The following TNS1 variants were observed in gnomAD, a reference collection of about 807,000 sequenced individuals.
TNS1 encodes tensin-1.
A neutral mutation model predicts 168.6 loss-of-function variants in TNS1; 62 were observed. That is an observed-to-expected ratio of 0.37 (90% CI 0.30 to 0.45). The LOEUF (loss-of-function observed/expected upper bound fraction) is 0.45, where lower values mean the gene tolerates loss of function less well. Among genes scored for constraint, TNS1 ranks in the 20% least tolerant of loss-of-function variants. TNS1 has a pLI of 1.00. For synonymous variants in TNS1, 934 were observed against 933.2 expected (o/e 1.00, Z -0.02); for missense variants, 2,240 against 2,339.4 (o/e 0.96, Z 0.88).
At chr2:217,925,074 T>G (rs138809176) in intron 3 of TNS1, among the ~76,000 whole-genome samples, 1,534 of 152,366 alleles carry the variant, frequency 0.01, 26 homozygotes, top group African/African-American at 0.035. Flanking sequence ...AGTGTGACTA[T>G]CATTAAACTC....
chr2:217,913,727 T>C (rs980859358), intron 4 of TNS1, among the ~76,000 whole-genome samples: 2 of 151,886 alleles, frequency 1.3e-5, no homozygotes, highest in African/African-American at 4.8e-5. Flanking sequence ...GTTTGTGGAC[T>C]CCTCCAATAT....
intron 30 of TNS1, 68 bp downstream of exon 30, chr2:217,809,755 G>A (rs1940473832): frequency 6.7e-7 from 1 of 1,493,128 alleles, no homozygotes; most frequent in Admixed American, 1.8e-5. Context: ...TAAATGTGTG[G>A]GTACACGGAT....
At chr2:217,970,503 C>A (rs1194785183) in intron 3 of TNS1, among the ~76,000 whole-genome samples, 1 of 152,118 alleles carries the variant, frequency 6.6e-6, no homozygotes, top group East Asian at 1.9e-4. Flanking sequence ...ACCCAAATGT[C>A]CACCAACTGA....
intron 1 of TNS1, among the ~76,000 whole-genome samples, chr2:218,029,302 A>G (rs1026416257): frequency 3.8e-5 from 5 of 130,730 alleles, no homozygotes; most frequent in Non-Finnish European, 5.6e-5. Flanking sequence ...TCCCCAAGGC[A>G]TCCCTCACCC....
At chr2:217,973,747 G>A (rs902620468) in intron 3 of TNS1, among the ~76,000 whole-genome samples, 4 of 152,302 alleles carry the variant, frequency 2.6e-5, no homozygotes, top group Admixed American at 6.5e-5. Flanking sequence ...TGGGGCCACC[G>A]TGAGCCCTGC....
At chr2:217,978,894 C>T (rs1387671530) in intron 2 of TNS1, 92 bp from the exon 3 acceptor site, 3 of 695,176 alleles carry the variant, frequency 4.3e-6, no homozygotes, top group Non-Finnish European at 7.9e-6. Context: ...GCCCGCAATC[C>T]GCGCTCGGGA....
intron 18 of TNS1, among the ~76,000 whole-genome samples, chr2:217,857,524 G>A (rs925205138): frequency 3.9e-5 from 6 of 152,226 alleles, no homozygotes; most frequent in Admixed American, 1.3e-4. Context: ...GTCAAGCGAT[G>A]ATGATAAATG....
chr2:217,874,023 A>AAC (rs3838561), intron 18 of TNS1, among the ~76,000 whole-genome samples: 20,417 of 111,336 alleles, frequency 0.18, 1,923 homozygotes, highest in East Asian at 0.33. Flanking sequence ...CCCCCCAACC[A>AAC]ACACACACAC....
intron 21 of TNS1, among the ~76,000 whole-genome samples, chr2:217,833,160 C>A (rs186546551): frequency 2.4e-4 from 36 of 152,374 alleles, no homozygotes. Context: ...CAGGTACGCG[C>A]ATGTTTAACC....
chr2:217,929,179 G>A (rs550120007), intron 3 of TNS1, among the ~76,000 whole-genome samples: 7 of 152,324 alleles, frequency 4.6e-5, no homozygotes, highest in African/African-American at 9.6e-5. Flanking sequence ...AAGAAGGCAC[G>A]ACACCATGGC....
rs767860513 is a variant in TNS1 at position 217,836,112 on chromosome 2, G to T, written c.3107C>A (p.Thr1036Lys). 6.2e-7 allele frequency: 1 copy of T among 1,614,136 alleles called. No individual in the cohort carries two copies. The highest frequency in any genetic ancestry group is 1.1e-5 in the South Asian group (1 of 91,080). Reference sequence around the variant, plus strand: ...GCGAACCCCAGGGCTACGAGGGGATGTGGCTTCTGGAGACTGGTTCTCATA... The same window carrying T: ...GCGAACCCCAGGGCTACGAGGGGATTTGGCTTCTGGAGACTGGTTCTCATA... ...GQYENQSPEA[T>K]SPRSPGVRSP... The change falls in exon 20 of 33, where the codon ACA becomes AAA. Residue 1036 changes from threonine (T) to lysine (K), a missense_variant. Around this residue, in one of 2 missense-constraint regions of TNS1, gnomAD observed 2,131 missense variants for 2,171.2 expected, o/e 0.98. Coordinates refer to ENST00000682258, the MANE Select transcript of TNS1 (RefSeq NM_001387777.1).
chr2:217,860,058 T>C (rs1358762744), intron 18 of TNS1, among the ~76,000 whole-genome samples: 1 of 152,160 alleles, frequency 6.6e-6, no homozygotes, highest in Admixed American at 6.5e-5. Flanking sequence ...AACCCCAAAA[T>C]GCTTCCACAG....
In TNS1 at chr2:217,805,512, C is replaced by CACCACACACA. The variant is rs1559132024; in HGVS notation, c.5376-910_5376-909insTGTGTGTGGT. Among the ~76,000 whole-genome samples, 31 of 61,738 alleles carry CACCACACACA rather than the reference C, an allele frequency of 5.0e-4. 1 individual carries two copies. The highest frequency in any genetic ancestry group is 8.3e-4 in the Non-Finnish European group (28 of 33,850). The allele number at this position is 61,738 out of a possible 152,430, so 40.5% of individuals were successfully genotyped here. ...CACACACACCACACACACCACCACA[C>CACCACACACA]ACACCACACACACCACACACACCAC... On this transcript the variant is annotated intron_variant, in intron 32 of 32. Coordinates refer to ENST00000682258, the MANE Select transcript of TNS1 (RefSeq NM_001387777.1).
intron 18 of TNS1, chr2:217,849,671 T>C: frequency 1.0e-6 from 1 of 985,340 alleles, no homozygotes; most frequent in Non-Finnish European, 1.2e-6. Context: ...TCTCAAAAAG[T>C]CTCACCCCTG....
intron 3 of TNS1, among the ~76,000 whole-genome samples, chr2:217,954,810 C>T (rs1358057240): frequency 6.6e-6 from 1 of 152,212 alleles, no homozygotes; most frequent in Non-Finnish European, 1.5e-5. Flanking sequence ...TCCCCAGGCC[C>T]CCTGTGGGCT....
At chr2:217,918,719 C>T (rs1228378005) in intron 4 of TNS1, among the ~76,000 whole-genome samples, 2 of 152,166 alleles carry the variant, frequency 1.3e-5, no homozygotes, top group Non-Finnish European at 2.9e-5. Context: ...GGGAGTTCAG[C>T]TGGAATAAGG....
At chr2:217,814,721 A>G (rs1941593209) in intron 25 of TNS1, among the ~76,000 whole-genome samples, 191 bp downstream of exon 25, 1 of 152,208 alleles carries the variant, frequency 6.6e-6, no homozygotes, top group African/African-American at 2.4e-5. Flanking sequence ...AGGTGTCTAC[A>G]ACTACTGCTT....
chr2:217,924,162 T>C (rs1955884676), intron 3 of TNS1, among the ~76,000 whole-genome samples: 1 of 152,240 alleles, frequency 6.6e-6, no homozygotes, highest in Non-Finnish European at 1.5e-5. Context: ...TGTTCTTCCT[T>C]GGAGCCTGTG....
intron 3 of TNS1, among the ~76,000 whole-genome samples, chr2:217,966,313 G>GCA (rs1559391888): frequency 3.1e-5 from 4 of 131,072 alleles, no homozygotes; most frequent in African/African-American, 8.9e-5. Context: ...GTGTGTGCGC[G>GCA]CGCGCGCGTG....
Sources: allele counts gnomAD v4.1 joint callset (sites outside exome capture counted in the v4.1 genomes callset), GRCh38; gene constraint gnomAD v4.1.1; regional missense constraint gnomAD v4.1.1; transcripts MANE v1.5; gene names NCBI Gene and HGNC (gene_info 2026-07-23, HGNC 2026-07-21).